Variants in KAT6B observed in about 807,000 individuals in gnomAD.
KAT6B encodes the protein lysine acetyltransferase 6B.
Under a neutral mutation model 187.5 loss-of-function variants are expected in KAT6B, and 10 were observed. The observed-to-expected ratio is 0.05, with a 90% CI of 0.03 to 0.09. The LOEUF (loss-of-function observed/expected upper bound fraction) is 0.09, where lower values mean the gene tolerates loss of function less well. Ranked by LOEUF, KAT6B falls within the 10% of genes least tolerant of loss-of-function variation. KAT6B has a pLI of 1.00. For synonymous variants in KAT6B, 861 were observed against 926.8 expected (o/e 0.93, Z 1.29); for missense variants, 1,952 against 2,558.9 (o/e 0.76, Z 5.12).
chr10:74,829,800 C>T lies in KAT6B; in HGVS notation c.-329+3015C>T, dbSNP rs955154856. Among the ~76,000 whole-genome samples, 6 of 151,240 alleles carry T rather than the reference C, an allele frequency of 4.0e-5. No individual in the cohort carries two copies. The East Asian group carries it at 1.2e-3, about 30-fold the overall frequency. On this transcript the variant is annotated intron_variant, in intron 1 of 17. Coordinates refer to ENST00000287239, the MANE Select transcript of KAT6B (RefSeq NM_012330.4). ...TTGGGAGGCCGAGGTGGATGGATCA[C>T]GAGGTCAAGAAATCAAGACCATCCT...
intron 3 of KAT6B, among the ~76,000 whole-genome samples, chr10:74,884,198 T>C (rs1322797971): frequency 6.6e-6 from 1 of 152,244 alleles, no homozygotes; most frequent in African/African-American, 2.4e-5. Flanking sequence ...TTGAAATCCC[T>C]GGGTTGAAAA....
chr10:75,029,516 G>C lies in KAT6B; in HGVS notation c.4692G>C (p.Glu1564Asp). 6.2e-7 allele frequency: 1 copy of C among 1,614,122 alleles called. No homozygotes were observed. The highest frequency in any genetic ancestry group is 8.5e-7 in the Non-Finnish European group (1 of 1,180,030). ...EQDDTFQDCAETQEACRSLQN... is the reference protein window; with the variant it reads ...EQDDTFQDCADTQEACRSLQN... ...ACGACACCTTTCAGGATTGTGCCGA[G>C]ACTCAAGAGGCCTGTAGAAGCCTAC... Residue 1564 changes from glutamate to aspartate, a missense_variant, in exon 18 of 18, where the codon GAG becomes GAC. Glu to Asp is a conservative substitution (Grantham distance 45). This residue lies in a region of KAT6B where 758 missense variants were observed against 891.4 expected (regional missense o/e 0.85). Coordinates refer to ENST00000287239, the MANE Select transcript of KAT6B (RefSeq NM_012330.4). The surrounding 1 kb of genome is among the most constrained non-coding windows in gnomAD (Gnocchi z 6.2).
Position 74,926,435 on chromosome 10 carries a change from C to T in KAT6B, c.622-33535C>T, listed in dbSNP as rs1017142874. Among the ~76,000 whole-genome samples the T allele has an allele frequency of 2.0e-5, 3 of 152,218 alleles. No individual in the cohort carries two copies. The East Asian group carries it at 5.8e-4, about 29-fold the overall frequency. On this transcript the variant is annotated intron_variant, in intron 3 of 17. Coordinates refer to ENST00000287239, the MANE Select transcript of KAT6B (RefSeq NM_012330.4). ...CACCACTGCACTCCAGCCTGGGCAA[C>T]AGACTGAGACTCTGTCTCAAAAAAC...
At chr10:74,834,822 A>G (rs1042621097) in intron 1 of KAT6B, among the ~76,000 whole-genome samples, 3 of 152,238 alleles carry the variant, frequency 2.0e-5, no homozygotes, top group Non-Finnish European at 2.9e-5. Flanking sequence ...GCCTGGCCCA[A>G]CTTAATTTCT....
chr10:74,980,089 G>A (rs542487079), intron 10 of KAT6B, among the ~76,000 whole-genome samples: 3 of 152,338 alleles, frequency 2.0e-5, no homozygotes, highest in Admixed American at 1.3e-4. Context: ...AACCCAGGAG[G>A]TGGAGGTTGC....
At chr10:74,987,696 T>A (rs1842898176) in intron 12 of KAT6B, among the ~76,000 whole-genome samples, 1 of 152,244 alleles carries the variant, frequency 6.6e-6, no homozygotes, top group Admixed American at 6.5e-5. Flanking sequence ...AGAATTTAGC[T>A]GTAGTAACAT....
intron 3 of KAT6B, among the ~76,000 whole-genome samples, chr10:74,943,393 A>G (rs563456305): frequency 2.6e-4 from 40 of 152,322 alleles, no homozygotes; most frequent in African/African-American, 9.6e-4. Flanking sequence ...GTACTTCCCA[A>G]ACTGATTTAT....
At chr10:74,988,247 T>G (rs1240780212) in intron 12 of KAT6B, among the ~76,000 whole-genome samples, 1 of 152,180 alleles carries the variant, frequency 6.6e-6, no homozygotes, top group Non-Finnish European at 1.5e-5. Flanking sequence ...GGCAACTTCT[T>G]TGTACTCTGA....
intron 3 of KAT6B, among the ~76,000 whole-genome samples, chr10:74,862,561 C>T (rs1317192380): frequency 6.6e-6 from 1 of 152,050 alleles, no homozygotes; most frequent in Admixed American, 6.6e-5. Context: ...ATGCTTTCTT[C>T]TTTAATAGAT....
intron 1 of KAT6B, among the ~76,000 whole-genome samples, chr10:74,830,589 T>C (rs1314708770): frequency 6.6e-6 from 1 of 151,244 alleles, no homozygotes; most frequent in Non-Finnish European, 1.5e-5. Flanking sequence ...TAAAGTATTG[T>C]ACCAGGTTAC....
chr10:75,031,521 C>T lies in KAT6B; in HGVS notation c.*475C>T, dbSNP rs1846317691. On this transcript the variant is annotated 3_prime_UTR_variant, in exon 18 of 18. Transcript: ENST00000287239. ...ATGCCGCTAATGTCTTTGTTAGTGA[C>T]AGTGCATTTTGTAGTACTGTACAAG... 3.5e-6 allele frequency: 1 copy of T among 286,068 alleles called. No individual in the cohort carries two copies. The highest frequency in any genetic ancestry group is 6.6e-6 in the Non-Finnish European group (1 of 151,208). The allele number at this position is 286,068 out of a possible 1,614,324, so 17.7% of individuals were successfully genotyped here. A position where few individuals can be genotyped will look rare whatever the true frequency, so the allele number is the denominator to read the frequency against.
At chr10:74,997,586 G>GAA (rs919076296) in intron 13 of KAT6B, among the ~76,000 whole-genome samples, 1 of 150,624 alleles carries the variant, frequency 6.6e-6, no homozygotes, top group East Asian at 1.9e-4. Context: ...ATTCAAATAT[G>GAA]AAAAAAAAAT....
At chr10:74,859,943 C>A (rs1287312372) in intron 3 of KAT6B, among the ~76,000 whole-genome samples, 1 of 152,218 alleles carries the variant, frequency 6.6e-6, no homozygotes, top group Non-Finnish European at 1.5e-5. Context: ...GTTTGGAGAA[C>A]ATTGATCAGG....
At chr10:74,874,818 GTGTGTGTGTGTGTA>G (rs1844287715) in intron 3 of KAT6B, among the ~76,000 whole-genome samples, 1 of 150,542 alleles carries the variant, frequency 6.6e-6, no homozygotes, top group Non-Finnish European at 1.5e-5. Flanking sequence ...TGTGTGGGGT[GTGTGTGTGTGTGTA>G]TGTGTGTGTG....
intron 13 of KAT6B, among the ~76,000 whole-genome samples, chr10:75,015,631 C>T (rs1372704547): frequency 6.6e-6 from 1 of 152,226 alleles, no homozygotes; most frequent in Non-Finnish European, 1.5e-5. Flanking sequence ...ATTTCCTGTG[C>T]TCAAAAGCTG....
At chr10:74,936,030 C>G (rs747832703) in intron 3 of KAT6B, among the ~76,000 whole-genome samples, 1 of 152,136 alleles carries the variant, frequency 6.6e-6, no homozygotes, top group South Asian at 2.1e-4. Flanking sequence ...TAAAATCTAT[C>G]TTTAGTACAG....
chr10:75,003,416 A>G (rs1327291753), intron 13 of KAT6B, among the ~76,000 whole-genome samples: 1 of 152,222 alleles, frequency 6.6e-6, no homozygotes, highest in Non-Finnish European at 1.5e-5. Context: ...ATCATTAAAG[A>G]ATAATAAGTT....
chr10:74,996,846 C>T (rs1466652881), intron 13 of KAT6B, among the ~76,000 whole-genome samples: 1 of 148,232 alleles, frequency 6.7e-6, no homozygotes, highest in Non-Finnish European at 1.5e-5. Flanking sequence ...TCAAGGACAT[C>T]ATAACCATCA....
chr10:74,880,981 T>G (rs926261870), intron 3 of KAT6B, among the ~76,000 whole-genome samples: 5 of 151,308 alleles, frequency 3.3e-5, no homozygotes, highest in Admixed American at 3.3e-4. Context: ...TGGAGTGCAG[T>G]GGTGCAGTCT....
Sources: gnomAD v4.1 joint callset for allele counts (sites outside exome capture counted in the v4.1 genomes callset) on GRCh38, gnomAD v4.1.1 for gene constraint, gnomAD v4.1.1 regional missense constraint, Gnocchi (gnomAD v3.1) non-coding constraint, MANE v1.5 for transcripts, NCBI Gene and HGNC (gene_info 2026-07-23, HGNC 2026-07-21) for gene names.